The following PLCH2 variants were observed in gnomAD, a reference collection of about 807,000 sequenced individuals.
PLCH2 encodes the protein 1-phosphatidylinositol 4,5-bisphosphate phosphodiesterase eta-2.
In PLCH2, 98 loss-of-function variants were observed where a neutral mutation model predicts 134.7. The ratio of observed to expected loss-of-function variants is 0.73; its 90% confidence interval spans 0.62 to 0.86. The LOEUF (loss-of-function observed/expected upper bound fraction) is 0.86, where lower values mean the gene tolerates loss of function less well. Among genes scored for constraint, PLCH2 ranks in the 40% least tolerant of loss-of-function variants. The pLI, the probability that PLCH2 is intolerant of heterozygous loss-of-function variation, is 0.00. For synonymous variants in PLCH2, 974 were observed against 827.5 expected (o/e 1.18, Z -3.04); for missense variants, 1,994 against 1,986.6 (o/e 1.00, Z -0.07).
intron 15 of PLCH2, among the ~76,000 whole-genome samples, 168 bp downstream of exon 15, chr1:2,497,178 A>G (rs944547699): frequency 2.0e-5 from 3 of 152,218 alleles, no homozygotes; most frequent in African/African-American, 4.8e-5. Context: ...CCAGGCTGCC[A>G]CTGACACCAG....
chr1:2,499,988 T>G, intron 20 of PLCH2: 1 of 567,916 alleles, frequency 1.8e-6, no homozygotes, highest in South Asian at 2.1e-5. Flanking sequence ...TGCCCCGCCC[T>G]GTGTCACCCA....
intron 4 of PLCH2, among the ~76,000 whole-genome samples, chr1:2,481,375 C>A (rs1641961507): frequency 6.6e-6 from 1 of 152,258 alleles, no homozygotes; most frequent in African/African-American, 2.4e-5. Context: ...GCTGAGTCTG[C>A]ATGTCTGCGC....
At chr1:2,416,563 A>G in the PLCH2 span, among the ~76,000 whole-genome samples, 1 of 151,062 alleles carries the variant, frequency 6.6e-6, no homozygotes, top group African/African-American at 2.4e-5. Context: ...GAGGGTGGGC[A>G]GCGGGCGGCA....
chr1:2,457,396 G>A (rs1211140273), intron 2 of PLCH2, among the ~76,000 whole-genome samples: 4 of 152,152 alleles, frequency 2.6e-5, no homozygotes, highest in Non-Finnish European at 4.4e-5. Context: ...CCTCGTGGCC[G>A]TGATCACAAG....
At position 2,494,937 on chromosome 1, in the gene PLCH2, T is replaced by C. The variant is rs373410036; in HGVS notation, c.1741T>C (p.Ser581Pro). ...TGGCCGCCTCGTCGTGGGAAGCTTC[T>C]CCAGGCGCAAGGTCCGGCGCAGCTC... ...RNGRLVVGSF[S>P]RRKKKGSKLK... The change falls in exon 12 of 22, where the codon TCC (serine) becomes CCC (proline). Residue 581 changes from serine to proline, a missense_variant. Ser to Pro is a moderately conservative substitution (Grantham distance 74, BLOSUM62 -1). Transcript: ENST00000378486. 3.3e-5 allele frequency: 53 copies of C among 1,594,350 alleles called. No homozygotes were observed. Among genetic ancestry groups the C allele is most frequent in the African/African-American group, 5.4e-5 (4 of 74,700 alleles).
rs1254747015 is a variant in PLCH2, at chr1:2,494,898, G to A, written c.1702G>A (p.Ala568Thr). ...CGTGGAGTCTGGGGAGGATGCCGGG[G>A]CCAGCAGACGCAATGGCCGCCTCGT... ...EDVESGEDAG[A>T]SRRNGRLVVG... Residue 568 changes from alanine to threonine, a missense_variant, in exon 12 of 22, where the codon GCC (alanine) becomes ACC (threonine). Around this residue, in one of 2 missense-constraint regions of PLCH2, gnomAD observed 1,094 missense variants for 1,234.3 expected, o/e 0.89. Coordinates refer to ENST00000378486, the MANE Select transcript of PLCH2 (RefSeq NM_014638.4). The A allele has an allele frequency of 1.2e-6, 2 of 1,606,420 alleles. No individual in the cohort carries two copies. The highest frequency in any genetic ancestry group is 1.7e-6 in the Non-Finnish European group (2 of 1,177,576).
intron 2 of PLCH2, among the ~76,000 whole-genome samples, chr1:2,431,820 C>T (rs538780047): frequency 6.6e-6 from 1 of 152,244 alleles, no homozygotes; most frequent in African/African-American, 2.4e-5. Flanking sequence ...GGAGGGCAGT[C>T]TTGTGCTGGG....
rs1278980789 is a variant in PLCH2 at position 2,497,003 on chromosome 1, C to T, written c.2109C>T (p.Cys703=). ...CGCAGCCCTTCTGGAACGCCGGCTG[C>T]CAAATGGGTGGGTGCGGGCATGGTG... The part of the protein sequence containing the change: ...YNPQPFWNAG[C]QMVALNYQSE... The change falls in exon 15 of 22, where the codon TGC becomes TGT. Residue 703 remains cysteine (C), a synonymous_variant. Transcript: ENST00000378486. 2 of 1,612,684 alleles carry T rather than the reference C, an allele frequency of 1.2e-6. No individual in the cohort carries two copies. The highest frequency in any genetic ancestry group is 3.3e-5 in the Admixed American group (2 of 59,976).
At chr1:2,473,616 TC>T (rs1641452773), upstream of PLCH2, among the ~76,000 whole-genome samples, 1 of 152,074 alleles carries the variant, frequency 6.6e-6, no homozygotes, top group South Asian at 2.1e-4. Flanking sequence ...TGCCCGTCCC[TC>T]CCTGTCCACC....
chr1:2,467,038 G>A (rs987741686), upstream of PLCH2, among the ~76,000 whole-genome samples: 1 of 152,178 alleles, frequency 6.6e-6, no homozygotes, highest in Non-Finnish European at 1.5e-5. Context: ...GCCCTCCTGG[G>A]GTGAGTGGCT....
chr1:2,501,969 C>T lies in PLCH2; in HGVS notation c.2662-143C>T, dbSNP rs534728307. On this transcript the variant is annotated intron_variant, in intron 20 of 21. Transcript: ENST00000378486. Reference sequence around the variant, plus strand: ...CTGAAGGCCCTGGTGTGTCCACACACCCCCAGCCTGAGGTGGCCCAGCCCC... The same window carrying T: ...CTGAAGGCCCTGGTGTGTCCACACATCCCCAGCCTGAGGTGGCCCAGCCCC... 10 of 710,292 alleles carry T rather than the reference C, an allele frequency of 1.4e-5. No homozygotes were observed. In the South Asian group the frequency reaches 2.1e-4, roughly 15 times the overall value. The allele number at this position is 710,292 out of a possible 1,614,324, so 44.0% of individuals were successfully genotyped here. A position where few individuals can be genotyped will look rare whatever the true frequency, so the allele number is the denominator to read the frequency against.
chr1:2,446,512 C>G (rs767554310), intron 2 of PLCH2, among the ~76,000 whole-genome samples: 76 of 152,260 alleles, frequency 5.0e-4, no homozygotes, highest in Non-Finnish European at 9.9e-4. Flanking sequence ...GGCGGGGCAG[C>G]TCCGACTCCG....
chr1:2,505,122 A>G lies in PLCH2; in HGVS notation c.4160A>G (p.His1387Arg). The G allele has an allele frequency of 1.3e-6, 2 of 1,549,686 alleles. No homozygotes were observed. Among genetic ancestry groups the G allele is most frequent in the Non-Finnish European group, 1.7e-6 (2 of 1,156,604 alleles). Residue 1387 changes from histidine (H) to arginine (R), a missense_variant, in exon 22 of 22, where the codon CAC becomes CGC. Physicochemically the swap from His to Arg is conservative, Grantham distance 29. This residue lies in a region of PLCH2 where 900 missense variants were observed against 752.3 expected (regional missense o/e 1.20). Coordinates refer to ENST00000378486, the MANE Select transcript of PLCH2 (RefSeq NM_014638.4). ...CCCGAGGGCGCCTGCTCCGTGGGCC[A>G]CGAGGGCAGTGTGGATGCACCAGCA... ...GTPEGACSVG[H>R]EGSVDAPAPS...
At chr1:2,467,423 C>A (rs1287595665), upstream of PLCH2, 3 of 378,868 alleles carry the variant, frequency 7.9e-6, no homozygotes, top group East Asian at 1.1e-4. Context: ...CAGCGGCGGC[C>A]CCGTCCCGCC....
At chr1:2,453,432 G>A (rs1422022776) in intron 2 of PLCH2, among the ~76,000 whole-genome samples, 2 of 152,190 alleles carry the variant, frequency 1.3e-5, no homozygotes, top group African/African-American at 2.4e-5. Context: ...CACTGGGAGC[G>A]TCTGTGCACA....
chr1:2,424,652 A>T (rs1233129998), upstream of PLCH2, among the ~76,000 whole-genome samples: 1 of 151,938 alleles, frequency 6.6e-6, no homozygotes, highest in Non-Finnish European at 1.5e-5. Flanking sequence ...GGAGTTTGAG[A>T]CCAGCCTGGC....
intron 2 of PLCH2, among the ~76,000 whole-genome samples, chr1:2,432,440 T>G (rs1639113107): frequency 1.3e-5 from 2 of 152,190 alleles, no homozygotes. Flanking sequence ...CCGTCCCCTG[T>G]GCAATTTGCC....
Position 2,489,796 on chromosome 1 carries a change from G to C in PLCH2, c.1444G>C (p.Glu482Gln). 1 of 1,613,760 alleles carries C rather than the reference G, an allele frequency of 6.2e-7. No individual in the cohort carries two copies. The highest frequency in any genetic ancestry group is 8.5e-7 in the Non-Finnish European group (1 of 1,179,826). Residue 482 changes from glutamate (E) to glutamine (Q), a missense_variant, in exon 10 of 22, where the codon GAG becomes CAG. Physicochemically the swap from Glu to Gln is conservative, Grantham distance 29. Coordinates refer to ENST00000378486, the MANE Select transcript of PLCH2 (RefSeq NM_014638.4). ...CCCAGCCAACATCAGCGAGGATGCG[G>C]AGGAAGGCGAGGTGTCTGATGAGGA... ...KLPANISEDAEEGEVSDEDSA... is the reference protein window; with the variant it reads ...KLPANISEDAQEGEVSDEDSA...
At chr1:2,459,837 C>T (rs1372099298) in intron 2 of PLCH2, among the ~76,000 whole-genome samples, 5 of 152,378 alleles carry the variant, frequency 3.3e-5, no homozygotes, top group South Asian at 2.1e-4. Context: ...ACCGGCCGGC[C>T]GTGGACGGCG....
Sources: allele counts gnomAD v4.1 joint callset (sites outside exome capture counted in the v4.1 genomes callset), GRCh38; gene constraint gnomAD v4.1.1; regional missense constraint gnomAD v4.1.1; transcripts MANE v1.5; gene names NCBI Gene and HGNC (gene_info 2026-07-23, HGNC 2026-07-21).